The following C9 variants were observed in gnomAD, a reference collection of about 807,000 sequenced individuals.
C9 encodes the protein complement C9.
A neutral mutation model predicts 65.4 loss-of-function variants in C9; 63 were observed. The observed-to-expected ratio is 0.96, with a 90% CI of 0.79 to 1.19. The LOEUF (loss-of-function observed/expected upper bound fraction) is 1.19, where lower values mean the gene tolerates loss of function less well. Among genes scored for constraint, C9 ranks in the 50% most tolerant of loss-of-function variants. The pLI is 0.00. For missense variants in C9, 744 were observed against 670.1 expected (o/e 1.11, Z -1.22); for synonymous variants, 229 against 227.9 (o/e 1.00, Z -0.04).
chr5:39,362,542 T>C (rs1754539581), intron 1 of C9, among the ~76,000 whole-genome samples: 1 of 152,134 alleles, frequency 6.6e-6, no homozygotes, highest in Non-Finnish European at 1.5e-5. Flanking sequence ...TACATTTCTT[T>C]TGTTTGAAGC....
At chr5:39,301,401 A>G (rs148554788) in intron 9 of C9, among the ~76,000 whole-genome samples, 15 of 152,204 alleles carry the variant, frequency 9.9e-5, no homozygotes, top group African/African-American at 3.4e-4. Flanking sequence ...AAACAGGAAA[A>G]AAAAAAGGTT....
At chr5:39,359,102 GTATATATATA>G (rs1157807681) in intron 1 of C9, among the ~76,000 whole-genome samples, 2 of 103,664 alleles carry the variant, frequency 1.9e-5, no homozygotes, top group Admixed American at 1.1e-4. Context: ...GTGTGTGTGT[GTATATATATA>G]TATATATATA....
intron 1 of C9, among the ~76,000 whole-genome samples, chr5:39,362,997 G>C (rs866542882): frequency 6.6e-6 from 1 of 152,064 alleles, no homozygotes. Flanking sequence ...CAGGACCCAG[G>C]GGGTACGCAC....
chr5:39,356,492 C>T (rs188612197), intron 1 of C9, among the ~76,000 whole-genome samples: 2 of 152,350 alleles, frequency 1.3e-5, no homozygotes, highest in East Asian at 1.9e-4. Flanking sequence ...AGGCAAAGCA[C>T]GTCAGTGGGA....
At chr5:39,286,720 G>GT (rs904147170) in intron 10 of C9, among the ~76,000 whole-genome samples, 2 of 148,322 alleles carry the variant, frequency 1.3e-5, no homozygotes, top group African/African-American at 2.4e-5. Context: ...GAGAGTGAGA[G>GT]TTTTTTTTGG....
chr5:39,317,812 T>C (rs1009569836), intron 5 of C9, among the ~76,000 whole-genome samples: 5 of 152,178 alleles, frequency 3.3e-5, no homozygotes, highest in African/African-American at 9.7e-5. Context: ...CTTAGAATTA[T>C]CTTGGCTATA....
At chr5:39,350,043 A>G (rs1754293198) in intron 1 of C9, among the ~76,000 whole-genome samples, 1 of 152,196 alleles carries the variant, frequency 6.6e-6, no homozygotes, top group Admixed American at 6.5e-5. Flanking sequence ...TATAAAGAAA[A>G]GAGGTTGATT....
chr5:39,345,231 T>C (rs540927107), intron 1 of C9, among the ~76,000 whole-genome samples: 93 of 152,104 alleles, frequency 6.1e-4, no homozygotes, highest in African/African-American at 2.2e-3. Flanking sequence ...GACTGGCAAA[T>C]TGGATAAAGA....
intron 1 of C9, among the ~76,000 whole-genome samples, chr5:39,359,623 T>C (rs907200939): frequency 2.6e-5 from 4 of 152,168 alleles, no homozygotes; most frequent in African/African-American, 9.7e-5. Context: ...GAGGTATTGA[T>C]GCTGCAGGAG....
chr5:39,307,925 GA>G (rs1459855492), intron 8 of C9, among the ~76,000 whole-genome samples: 14 of 152,146 alleles, frequency 9.2e-5, no homozygotes, highest in Non-Finnish European at 1.8e-4. Flanking sequence ...TTAGGGTGAA[GA>G]AAGGAAACTT....
intron 9 of C9, among the ~76,000 whole-genome samples, chr5:39,296,581 A>C (rs573955923): frequency 1.3e-5 from 2 of 151,760 alleles, no homozygotes; most frequent in South Asian, 4.1e-4. Context: ...ATGATCCAGC[A>C]ATTCCAATAC....
At chr5:39,316,104 G>A in intron 5 of C9, 75 bp from the exon 6 acceptor site, 1 of 1,280,188 alleles carries the variant, frequency 7.8e-7, no homozygotes, top group Non-Finnish European at 1.1e-6. Flanking sequence ...CAGAACCAAA[G>A]AGAAGTCAAA....
chr5:39,291,261 G>T (rs948411936), intron 9 of C9, among the ~76,000 whole-genome samples: 1 of 151,100 alleles, frequency 6.6e-6, no homozygotes, highest in Non-Finnish European at 1.5e-5. Context: ...AAATAGATTT[G>T]AAAAAAAGAA....
At chr5:39,298,022 C>T (rs1307692201) in intron 9 of C9, among the ~76,000 whole-genome samples, 4 of 151,648 alleles carry the variant, frequency 2.6e-5, no homozygotes, top group African/African-American at 9.7e-5. Context: ...AGAAAGCTAT[C>T]TGAAAAATCC....
At chr5:39,339,594 T>A (rs1308245052) in intron 4 of C9, among the ~76,000 whole-genome samples, 8 of 151,082 alleles carry the variant, frequency 5.3e-5, no homozygotes, top group African/African-American at 1.9e-4. Context: ...CACTCCCCAT[T>A]CTCACCCCCT....
chr5:39,359,879 G>A lies in C9; in HGVS notation c.77+4509C>T, dbSNP rs1470074174. 3.9e-5 allele frequency among the ~76,000 whole-genome samples: 6 copies of A among 152,282 alleles called. No individual in the cohort carries two copies. The East Asian group carries it at 5.8e-4, about 15-fold the overall frequency. ...ATTATACTGCAATTCCTGACACAACGTCTGGCTCATTCGACAAAGTTGATA... is the reference window on the plus strand; with the variant it reads ...ATTATACTGCAATTCCTGACACAACATCTGGCTCATTCGACAAAGTTGATA... On this transcript the variant is annotated intron_variant, in intron 1 of 10. Coordinates refer to ENST00000263408, the MANE Select transcript of C9 (RefSeq NM_001737.5).
intron 1 of C9, among the ~76,000 whole-genome samples, chr5:39,343,249 G>T (rs1263565126): frequency 6.6e-6 from 1 of 152,196 alleles, no homozygotes; most frequent in Non-Finnish European, 1.5e-5. Flanking sequence ...CCCGGGAAGT[G>T]CAAGGGGTCA....
chr5:39,336,705 A>G (rs1247763722), intron 4 of C9, among the ~76,000 whole-genome samples: 1 of 152,122 alleles, frequency 6.6e-6, no homozygotes, highest in Non-Finnish European at 1.5e-5. Context: ...TTTCATTTTT[A>G]TAGTTGTAAG....
chr5:39,309,939 C>G (rs1380902190), intron 7 of C9, among the ~76,000 whole-genome samples: 1 of 152,102 alleles, frequency 6.6e-6, no homozygotes, highest in Non-Finnish European at 1.5e-5. Context: ...TCAAGTTACT[C>G]AAGACCTGTG....
Sources: gnomAD v4.1 joint callset for allele counts (sites outside exome capture counted in the v4.1 genomes callset) on GRCh38, gnomAD v4.1.1 for gene constraint, MANE v1.5 for transcripts, NCBI Gene and HGNC (gene_info 2026-07-23, HGNC 2026-07-21) for gene names.